AKAP9: variants seen among roughly 807,000 people sequenced by gnomAD.
The protein encoded by AKAP9 is A-kinase anchor protein 9.
In AKAP9, 311 loss-of-function variants were observed where a neutral mutation model predicts 488.5. The ratio of observed to expected loss-of-function variants is 0.64; its 90% CI spans 0.58 to 0.70. AKAP9 has a LOEUF of 0.70. Ranked by LOEUF, AKAP9 falls within the 30% of genes least tolerant of loss-of-function variation. AKAP9 has a pLI of 0.00. For missense variants in AKAP9, 4,215 were observed against 4,374.5 expected, an observed-to-expected ratio of 0.96 and a Z score of 1.03; for synonymous variants, 1,462 against 1,483.5, an observed-to-expected ratio of 0.99 and a Z score of 0.33.
At chr7:92,013,921 G>A (rs544072732) in intron 9 of AKAP9, among the ~76,000 whole-genome samples, 5 of 151,736 alleles carry the variant, frequency 3.3e-5, no homozygotes, top group South Asian at 2.1e-4. Flanking sequence ...GGAGTACATG[G>A]CACTACAGTA....
chr7:92,051,494 C>T (rs998839164), intron 21 of AKAP9, among the ~76,000 whole-genome samples: 8 of 152,080 alleles, frequency 5.3e-5, no homozygotes, highest in African/African-American at 1.7e-4. Context: ...TTAGATAAAC[C>T]TGTATATAAT....
In AKAP9 at chr7:92,101,072, C is replaced by A; in HGVS notation, c.11097+16C>A. The A allele has an allele frequency of 6.2e-7, 1 of 1,608,682 alleles. No individual in the cohort carries two copies. The highest frequency in any genetic ancestry group is 1.1e-5 in the South Asian group (1 of 90,666). ...CACTTTAAAGGTAGGAGACATCTCC[C>A]ATCTAAACATCACAGCTGGTTCTAT... On this transcript the variant is annotated intron_variant, in intron 45 of 49. Coordinates refer to ENST00000356239, the MANE Select transcript of AKAP9 (RefSeq NM_005751.5).
In AKAP9 at chr7:92,016,138, A is replaced by G; in HGVS notation, c.3622A>G (p.Ser1208Gly). Reference sequence around the variant, plus strand: ...ATTTTGTTGTTAACAGACTTTATGCAGTGTCCTTGGTGAATATTATACTCC... The same window carrying G: ...ATTTTGTTGTTAACAGACTTTATGCGGTGTCCTTGGTGAATATTATACTCC... ...ECSYFLQTLC[S>G]VLGEYYTPAL... The change falls in exon 11 of 50, where the codon AGT (serine) becomes GGT (glycine). Residue 1208 changes from serine to glycine, a missense_variant. By Grantham distance (56) the Ser-to-Gly change is moderately conservative (BLOSUM62 0). This residue lies in a region of AKAP9 where 2,361 missense variants were observed against 2,430.0 expected (regional missense o/e 0.97). Transcript: ENST00000356239. 6.2e-7 allele frequency: 1 copy of G among 1,603,510 alleles called. No individual in the cohort carries two copies. The highest frequency in any genetic ancestry group is 8.5e-7 in the Non-Finnish European group (1 of 1,171,216).
Position 92,079,273 on chromosome 7 carries a change from A to C in AKAP9, c.7140A>C (p.Glu2380Asp), listed in dbSNP as rs553736782. The change falls in exon 31 of 50, where the codon GAA becomes GAC. Residue 2380 changes from glutamate (E) to aspartate (D), a missense_variant. This residue lies in a region of AKAP9 where 1,476 missense variants were observed against 1,477.4 expected (regional missense o/e 1.00). Transcript: ENST00000356239. Reference sequence around the variant, plus strand: ...TGAATGCTCATTCCCTCTCAGAAGAAGCAGACAGTTTAAAACATCAATTGG... The same window carrying C: ...TGAATGCTCATTCCCTCTCAGAAGACGCAGACAGTTTAAAACATCAATTGG... ...TSMNAHSLSE[E>D]ADSLKHQLDV... 142 of 1,614,120 alleles carry C rather than the reference A, an allele frequency of 8.8e-5. 3 individuals are homozygous for C. The South Asian group carries it at 1.5e-3, about 17-fold the overall frequency.
At chr7:92,016,377 T>G in intron 11 of AKAP9, 110 bp downstream of exon 11, 1 of 783,626 alleles carries the variant, frequency 1.3e-6, no homozygotes, top group East Asian at 2.7e-5. Flanking sequence ...TTGTTTTTCA[T>G]CTTAACATTT....
rs570384292 is a variant in AKAP9, at chr7:92,040,853, A to G, written c.4872A>G (p.Glu1624=). The change falls in exon 18 of 50, where the codon GAA becomes GAG. Residue 1624 remains glutamate, a synonymous_variant. Transcript: ENST00000356239. ...RQMERQREDQ[E]QLQEEIKRLN... Reference sequence around the variant, plus strand: ...TGGAGAGACAGCGAGAAGACCAGGAACAGCTACAAGAAGAGATTAAGAGAC... The same window carrying G: ...TGGAGAGACAGCGAGAAGACCAGGAGCAGCTACAAGAAGAGATTAAGAGAC... The G allele has an allele frequency of 6.6e-5, 107 of 1,613,944 alleles. No homozygotes were observed. Among genetic ancestry groups the G allele is most frequent in the Non-Finnish European group, 7.6e-5 (90 of 1,179,996 alleles).
At chr7:92,073,172 G>A (rs1467053975) in intron 28 of AKAP9, among the ~76,000 whole-genome samples, 1 of 152,034 alleles carries the variant, frequency 6.6e-6, no homozygotes, top group Non-Finnish European at 1.5e-5. Flanking sequence ...GGAGACATAT[G>A]TACATTTGAA....
chr7:92,044,238 T>A (rs1385523969), intron 20 of AKAP9, among the ~76,000 whole-genome samples: 1 of 152,180 alleles, frequency 6.6e-6, no homozygotes, highest in Non-Finnish European at 1.5e-5. Context: ...CCAAATTTTT[T>A]AAAATAAGGA....
Position 92,031,621 on chromosome 7 carries a change from T to C in AKAP9, c.4338+17T>C. On this transcript the variant is annotated intron_variant, in intron 16 of 49. Transcript: ENST00000356239. Reference sequence around the variant, plus strand: ...GTAGCTAAGGTAGGCTTATAGCTTATCTGGAAGATTATCTTGGTTTATATT... The same window carrying C: ...GTAGCTAAGGTAGGCTTATAGCTTACCTGGAAGATTATCTTGGTTTATATT... 2 of 1,544,446 alleles carry C rather than the reference T, an allele frequency of 1.3e-6. No homozygotes were observed. The highest frequency in any genetic ancestry group is 1.8e-6 in the Non-Finnish European group (2 of 1,117,346).
At chr7:92,003,981 G>A (rs1378944994) in intron 8 of AKAP9, among the ~76,000 whole-genome samples, 1 of 152,144 alleles carries the variant, frequency 6.6e-6, no homozygotes, top group Non-Finnish European at 1.5e-5. Flanking sequence ...GAATATAGTG[G>A]CCAACAAGAG....
In AKAP9 at chr7:92,089,427, G is replaced by C; in HGVS notation, c.9256G>C (p.Asp3086His). The C allele has an allele frequency of 1.2e-6, 2 of 1,612,270 alleles. No homozygotes were observed. Among genetic ancestry groups the C allele is most frequent in the African/African-American group, 2.7e-5 (2 of 74,984 alleles). Residue 3086 changes from aspartate to histidine, a missense_variant, in exon 38 of 50, where the codon GAT becomes CAT. Physicochemically the swap from Asp to His is moderately conservative, Grantham distance 81 (BLOSUM62 -1). Coordinates refer to ENST00000356239, the MANE Select transcript of AKAP9 (RefSeq NM_005751.5). ...AGCTATGGAATGCCTCCAGAAAGCA[G>C]ATAGAAGGAGTTTGTTATCTGAAAT... ...QAAMECLQKA[D>H]RRSLLSEIQA...
At chr7:92,015,326 G>T (rs562269857) in intron 10 of AKAP9, among the ~76,000 whole-genome samples, 50 of 151,624 alleles carry the variant, frequency 3.3e-4, no homozygotes, top group African/African-American at 1.1e-3. Context: ...ATTTTTGTGT[G>T]TGCATATAAA....
At chr7:91,985,773 G>A (rs995034405) in intron 3 of AKAP9, among the ~76,000 whole-genome samples, 2 of 152,070 alleles carry the variant, frequency 1.3e-5, no homozygotes, top group African/African-American at 4.8e-5. Flanking sequence ...TCAGCCTGCT[G>A]AGTACCTGGG....
chr7:92,011,769 C>G (rs1800780921), intron 8 of AKAP9, among the ~76,000 whole-genome samples: 1 of 152,152 alleles, frequency 6.6e-6, no homozygotes, highest in African/African-American at 2.4e-5. Context: ...GAGTGAGCCT[C>G]TACTGCATTC....
Position 92,080,129 on chromosome 7 carries a change from C to A in AKAP9, c.7996C>A (p.Pro2666Thr). Residue 2666 changes from proline to threonine, a missense_variant, in exon 31 of 50, where the codon CCT becomes ACT. Physicochemically the swap from Pro to Thr is conservative, Grantham distance 38. Around this residue, in one of 5 missense-constraint regions of AKAP9, gnomAD observed 1,476 missense variants for 1,477.4 expected, o/e 1.00. Coordinates refer to ENST00000356239, the MANE Select transcript of AKAP9 (RefSeq NM_005751.5). ...KQREKEKKRS[P>T]QDVEVLKTTT... ...GAGAGAGAAAGAAAAGAAAAGAAGC[C>A]CTCAAGATGTTGAAGTTCTCAAGGT... 1 of 1,593,198 alleles carries A rather than the reference C, an allele frequency of 6.3e-7. No homozygotes were observed. Among genetic ancestry groups the A allele is most frequent in the Non-Finnish European group, 8.5e-7 (1 of 1,174,860 alleles).
At chr7:92,076,834 T>C in intron 28 of AKAP9, 21 bp from the exon 29 acceptor site, 2 of 1,351,232 alleles carry the variant, frequency 1.5e-6, no homozygotes, top group Non-Finnish European at 2.1e-6. Flanking sequence ...TTTTTCTCTT[T>C]TGATAATTTT....
chr7:92,073,152 G>C (rs774138318), intron 28 of AKAP9, among the ~76,000 whole-genome samples: 1 of 152,024 alleles, frequency 6.6e-6, no homozygotes, highest in Admixed American at 6.6e-5. Flanking sequence ...GGAATCTACT[G>C]TGTAATTAAG....
chr7:91,965,475 A>G (rs960963190), intron 1 of AKAP9, among the ~76,000 whole-genome samples: 1 of 152,204 alleles, frequency 6.6e-6, no homozygotes, highest in African/African-American at 2.4e-5. Flanking sequence ...GCTATTGTAA[A>G]TAGTACTACA....
At chr7:91,978,447 G>T (rs1337449523) in intron 2 of AKAP9, among the ~76,000 whole-genome samples, 1 of 152,082 alleles carries the variant, frequency 6.6e-6, no homozygotes, top group African/African-American at 2.4e-5. Context: ...TTTGTTGAAT[G>T]AAAGGGTGAA....
Sources: allele counts gnomAD v4.1 joint callset (sites outside exome capture counted in the v4.1 genomes callset), GRCh38; gene constraint gnomAD v4.1.1; regional missense constraint gnomAD v4.1.1; transcripts MANE v1.5; gene names NCBI Gene and HGNC (gene_info 2026-07-23, HGNC 2026-07-21).